ACAT1: variants seen among roughly 807,000 people sequenced by gnomAD.
The protein encoded by ACAT1 is acetyl-CoA acetyltransferase, mitochondrial.
Under a neutral mutation model 47.3 loss-of-function variants are expected in ACAT1, and 28 were observed. That is an observed-to-expected ratio of 0.59 (90% CI 0.44 to 0.81). The LOEUF is 0.81. Ranked by LOEUF, ACAT1 falls within the 30% of genes least tolerant of loss-of-function variation. ACAT1 has a pLI of 0.00. For missense variants in ACAT1, 469 were observed against 524.3 expected (o/e 0.89, Z 1.03); for synonymous variants, 181 against 173.6 (o/e 1.04, Z -0.34).
chr11:108,131,372 T>TTTTTTTTTTTTTTTA lies in ACAT1; in HGVS notation c.73-535_73-534insTTTTTTTTTTTTTTA, dbSNP rs1555031491. Among the ~76,000 whole-genome samples, 76 of 142,348 alleles carry TTTTTTTTTTTTTTTA rather than the reference T, an allele frequency of 5.3e-4. 1 individual carries two copies. The highest frequency in any genetic ancestry group is 9.1e-4 in the African/African-American group (35 of 38,266). 93.4% of individuals were successfully genotyped at this position (142,348 alleles called of 152,430 possible). A position where few individuals can be genotyped will look rare whatever the true frequency, so the allele number is the denominator to read the frequency against. ...ACTTGGAATTTTTTTTTTTTTTTTTTAGACAGTCTTGCTTTGTTGCCAAGG... is the reference window on the plus strand; with the variant it reads ...ACTTGGAATTTTTTTTTTTTTTTTTTTTTTTTTTTTTTTTAAGACAGTCTTGCTTTGTTGCCAAGG... On this transcript the variant is annotated intron_variant, in intron 1 of 11. Coordinates refer to ENST00000265838, the MANE Select transcript of ACAT1 (RefSeq NM_000019.4).
At chr11:108,141,028 C>T (rs2134765223) in intron 7 of ACAT1, among the ~76,000 whole-genome samples, 1 of 151,750 alleles carries the variant, frequency 6.6e-6, no homozygotes, top group Middle Eastern at 3.4e-3. Context: ...GAGTTTGAGA[C>T]CAGCCTGGGC....
chr11:108,119,036 A>G (rs746357356), upstream of ACAT1, among the ~76,000 whole-genome samples: 2 of 152,182 alleles, frequency 1.3e-5, no homozygotes, highest in East Asian at 3.8e-4. Context: ...CTAGATTCCA[A>G]TTGCAACTGT....
At chr11:108,120,600 C>T (rs914008270), upstream of ACAT1, among the ~76,000 whole-genome samples, 1 of 152,090 alleles carries the variant, frequency 6.6e-6, no homozygotes, top group East Asian at 1.9e-4. Context: ...TGTTTTCTCT[C>T]GTTTCTGTGG....
chr11:108,127,485 G>A (rs1310880082), intron 1 of ACAT1, among the ~76,000 whole-genome samples: 1 of 151,924 alleles, frequency 6.6e-6, no homozygotes, highest in Non-Finnish European at 1.5e-5. Context: ...AGCCAGGATG[G>A]TCTCTATCTC....
chr11:108,137,564 A>G (rs545269259), intron 5 of ACAT1, among the ~76,000 whole-genome samples: 2 of 152,316 alleles, frequency 1.3e-5, no homozygotes, highest in South Asian at 2.1e-4. Flanking sequence ...AGGAAGTATG[A>G]TTATTTTCAT....
chr11:108,126,924 C>T (rs1591355718), intron 1 of ACAT1, among the ~76,000 whole-genome samples: 1 of 151,154 alleles, frequency 6.6e-6, no homozygotes, highest in East Asian at 2.0e-4. Context: ...TCTGGAGTAG[C>T]TGGGATTACA....
chr11:108,132,574 G>C (rs1167622298), intron 2 of ACAT1, among the ~76,000 whole-genome samples: 1 of 151,956 alleles, frequency 6.6e-6, no homozygotes, highest in Non-Finnish European at 1.5e-5. Flanking sequence ...ATGGCTCTGG[G>C]CCGGGTGCGG....
chr11:108,134,126 C>T, intron 3 of ACAT1, 95 bp from the exon 4 acceptor site: 1 of 1,275,896 alleles, frequency 7.8e-7, no homozygotes, highest in South Asian at 1.3e-5. Flanking sequence ...AAAAAGAAAC[C>T]ATTCCTATTG....
Position 108,138,240 on chromosome 11 carries a change from C to T in ACAT1, c.436-658C>T, listed in dbSNP as rs572699459. Among the ~76,000 whole-genome samples the T allele has an allele frequency of 4.6e-5, 7 of 152,134 alleles. No individual in the cohort carries two copies. In the East Asian group the frequency reaches 1.4e-3, roughly 30 times the overall value. The stretch of plus-strand genomic sequence containing the variant: ...GACCTCGTGATCAGCCCGCTTTGGC[C>T]TCCCAGAGTGCTGGGATTACAGGGG... On this transcript the variant is annotated intron_variant, in intron 5 of 11. Transcript: ENST00000265838.
chr11:108,131,003 G>A lies in ACAT1; in HGVS notation c.73-904G>A, dbSNP rs144244519. 5.7e-3 allele frequency among the ~76,000 whole-genome samples: 872 copies of A among 152,080 alleles called. 27 individuals carry two copies. The highest frequency in any genetic ancestry group is 2.5e-3 in the Non-Finnish European group (168 of 67,970). On this transcript the variant is annotated intron_variant, in intron 1 of 11. Coordinates refer to ENST00000265838, the MANE Select transcript of ACAT1 (RefSeq NM_000019.4). ...CCTGACCTCCAGTGATATGCCCACC[G>A]CAGCCTTCCAAAGTGTTGGGATTAC...
intron 1 of ACAT1, among the ~76,000 whole-genome samples, chr11:108,124,569 C>T (rs907464153): frequency 1.5e-4 from 23 of 152,214 alleles, no homozygotes; most frequent in Non-Finnish European, 2.5e-4. Flanking sequence ...TGAGCCACCA[C>T]ACCTGGCCCC....
rs973644037 is a variant in ACAT1 at position 108,130,399 on chromosome 11, A to T, written c.73-1508A>T. Among the ~76,000 whole-genome samples the T allele has an allele frequency of 2.6e-5, 4 of 151,624 alleles. No individual in the cohort carries two copies. The East Asian group carries it at 5.8e-4, about 22-fold the overall frequency. On this transcript the variant is annotated intron_variant, in intron 1 of 11. Coordinates refer to ENST00000265838, the MANE Select transcript of ACAT1 (RefSeq NM_000019.4). ...GTAAGTTTTTAAATTATTATTTTTT[A>T]AATTTATTATCATTTTTTGAGACTC... is the stretch of plus-strand genomic sequence containing the variant.
chr11:108,146,833 G>C (rs1255399605), intron 11 of ACAT1, among the ~76,000 whole-genome samples: 2 of 152,182 alleles, frequency 1.3e-5, no homozygotes, highest in Admixed American at 1.3e-4. Context: ...TGTAATCCTA[G>C]CACTTTGGGA....
At chr11:108,128,218 T>G (rs78125213) in intron 1 of ACAT1, among the ~76,000 whole-genome samples, 1 of 151,998 alleles carries the variant, frequency 6.6e-6, no homozygotes, top group South Asian at 2.1e-4. Flanking sequence ...TCTGAGTGGG[T>G]TGAACTGTAA....
At chr11:108,121,484 C>G, upstream of ACAT1, 1 of 1,137,596 alleles carries the variant, frequency 8.8e-7, no homozygotes, top group Non-Finnish European at 1.3e-6. Context: ...TCGCCGCCGA[C>G]TGAGAGGCGA....
At chr11:108,141,042 G>A (rs981325648) in intron 7 of ACAT1, among the ~76,000 whole-genome samples, 2 of 151,860 alleles carry the variant, frequency 1.3e-5, no homozygotes, top group Non-Finnish European at 2.9e-5. Context: ...CCTGGGCAAC[G>A]AAGTGAGACT....
At chr11:108,117,114 A>C (rs1363013172), upstream of ACAT1, among the ~76,000 whole-genome samples, 2 of 152,014 alleles carry the variant, frequency 1.3e-5, no homozygotes, top group African/African-American at 4.8e-5. Flanking sequence ...GATTGCCTTG[A>C]AGAGAAAGTG....
chr11:108,134,205 T>C lies in ACAT1; in HGVS notation c.239-16T>C. ...TGAATTAAATGCCTTTTTGACTTTT[T>C]TTTTTTTTAATAAAGGGATTCCAAA... On this transcript the variant is annotated splice_polypyrimidine_tract_variant and intron_variant, in intron 3 of 11. Transcript: ENST00000265838. 1 of 1,605,830 alleles carries C rather than the reference T, an allele frequency of 6.2e-7. No homozygotes were observed.
chr11:108,125,152 C>T (rs1229866031), intron 1 of ACAT1, among the ~76,000 whole-genome samples: 6 of 152,180 alleles, frequency 3.9e-5, no homozygotes, highest in African/African-American at 1.4e-4. Context: ...GGAGAAAAGC[C>T]ACCTGAGGGT....
Sources: allele counts gnomAD v4.1 joint callset (sites outside exome capture counted in the v4.1 genomes callset), GRCh38; gene constraint gnomAD v4.1.1; transcripts MANE v1.5; gene names NCBI Gene and HGNC (gene_info 2026-07-23, HGNC 2026-07-21).